CLYBL: variants seen among roughly 807,000 people sequenced by gnomAD.
CLYBL encodes citramalyl-CoA lyase, mitochondrial.
CLYBL carries 31 observed loss-of-function variants against 38.9 expected under a neutral mutation model. That is an observed-to-expected ratio of 0.80 (90% CI 0.60 to 1.08). The LOEUF is 1.08. Among genes scored for constraint, CLYBL ranks in the 50% least tolerant of loss-of-function variants. The pLI, the probability that CLYBL is intolerant of heterozygous loss-of-function variation, is 0.00. For synonymous variants in CLYBL, 171 were observed against 158.6 expected (o/e 1.08, Z -0.59); for missense variants, 434 against 411.6 (o/e 1.05, Z -0.47).
intron 1 of CLYBL, among the ~76,000 whole-genome samples, chr13:99,699,565 C>T (rs1234301079): frequency 1.3e-4 from 20 of 151,550 alleles, no homozygotes; most frequent in South Asian, 4.2e-4. Context: ...TGGTGGCACG[C>T]GCCTGTAATC....
intron 2 of CLYBL, among the ~76,000 whole-genome samples, chr13:99,778,557 C>T (rs1401917265): frequency 6.6e-6 from 1 of 152,042 alleles, no homozygotes; most frequent in Non-Finnish European, 1.5e-5. Flanking sequence ...TAATACCTTC[C>T]AGCAGGCTCT....
At chr13:99,737,478 A>C (rs2793749) in intron 1 of CLYBL, among the ~76,000 whole-genome samples, 1 of 152,140 alleles carries the variant, frequency 6.6e-6, no homozygotes, top group Admixed American at 6.5e-5. Flanking sequence ...GGTGTCACCA[A>C]CTCCAGGTGT....
chr13:99,726,923 C>G (rs1168079815), intron 1 of CLYBL, among the ~76,000 whole-genome samples: 1 of 152,186 alleles, frequency 6.6e-6, no homozygotes, highest in East Asian at 1.9e-4. Flanking sequence ...CTTTGGGAGG[C>G]TGAGGCGGGC....
rs34513643 is a variant in CLYBL at position 99,637,962 on chromosome 13, C to CTTTT, written c.62+31221_62+31224dup. Reference sequence around the variant, plus strand: ...ATCTAGTTATCCAAGTCAACAGTGCCTTTTTTTTTTTTTTTTTTTGAGACA... The same window carrying CTTTT: ...ATCTAGTTATCCAAGTCAACAGTGCCTTTTTTTTTTTTTTTTTTTTTTTGAGACA... On this transcript the variant is annotated intron_variant, in intron 1 of 8. Transcript: ENST00000339105. 7.6e-4 allele frequency among the ~76,000 whole-genome samples: 72 copies of CTTTT among 94,992 alleles called. 4 individuals carry two copies. Among genetic ancestry groups the CTTTT allele is most frequent in the African/African-American group, 2.5e-3 (63 of 25,568 alleles). The allele number at this position is 94,992 out of a possible 152,430, so 62.3% of individuals were successfully genotyped here.
At chr13:99,642,223 T>G (rs919405422) in intron 1 of CLYBL, among the ~76,000 whole-genome samples, 5 of 152,304 alleles carry the variant, frequency 3.3e-5, no homozygotes, top group South Asian at 2.1e-4. Context: ...CTGTGCATGC[T>G]GACTCTTCAG....
intron 1 of CLYBL, among the ~76,000 whole-genome samples, chr13:99,768,494 CTTTTTTT>C (rs779750350): frequency 1.2e-4 from 10 of 84,892 alleles, no homozygotes; most frequent in African/African-American, 3.0e-4. Context: ...CGCCCGACCT[CTTTTTTT>C]TTTTTTTTTT....
At chr13:99,783,553 T>C (rs565440760) in intron 2 of CLYBL, among the ~76,000 whole-genome samples, 1 of 151,834 alleles carries the variant, frequency 6.6e-6, no homozygotes, top group East Asian at 1.9e-4. Context: ...GCCTCCTGGG[T>C]TCATGCCATT....
intron 1 of CLYBL, among the ~76,000 whole-genome samples, chr13:99,709,025 G>A (rs1005567335): frequency 1.3e-5 from 2 of 152,042 alleles, no homozygotes; most frequent in Non-Finnish European, 2.9e-5. Context: ...CCAGGGGGGC[G>A]GAGGTTCCAG....
intron 1 of CLYBL, among the ~76,000 whole-genome samples, chr13:99,653,925 A>G (rs753426770): frequency 6.6e-6 from 1 of 152,182 alleles, no homozygotes; most frequent in African/African-American, 2.4e-5. Context: ...TTCAAATACA[A>G]TGACTTTATC....
chr13:99,798,116 C>T (rs2050059355), intron 2 of CLYBL, among the ~76,000 whole-genome samples: 1 of 152,206 alleles, frequency 6.6e-6, no homozygotes, highest in African/African-American at 2.4e-5. Flanking sequence ...CTGTTCCCAT[C>T]TGGCTTACCA....
At chr13:99,695,309 A>G (rs1311707845) in intron 1 of CLYBL, among the ~76,000 whole-genome samples, 1 of 152,112 alleles carries the variant, frequency 6.6e-6, no homozygotes, top group Non-Finnish European at 1.5e-5. Flanking sequence ...AACAAAAGAC[A>G]GGTTAACAAG....
rs113128124 is a variant in CLYBL at position 99,844,821 on chromosome 13, C to T, written c.250-14040C>T. Among the ~76,000 whole-genome samples the T allele has an allele frequency of 4.4e-3, 663 of 152,272 alleles. 10 individuals carry two copies. Among genetic ancestry groups the T allele is most frequent in the African/African-American group, 0.015 (625 of 41,562 alleles). ...CCATAGCCTGAGAGCTGACACCTAG[C>T]GCGTGGGCATTCAAAGTCACTGTCA... On this transcript the variant is annotated intron_variant, in intron 2 of 8. Coordinates refer to ENST00000339105, the MANE Select transcript of CLYBL (RefSeq NM_206808.5).
chr13:99,714,475 G>T (rs1226283295), intron 1 of CLYBL, among the ~76,000 whole-genome samples: 3 of 149,900 alleles, frequency 2.0e-5, no homozygotes, highest in African/African-American at 7.4e-5. Flanking sequence ...AAATTAGCTT[G>T]GTGTGGTGGC....
At chr13:99,855,668 A>G (rs1417421327) in intron 2 of CLYBL, among the ~76,000 whole-genome samples, 1 of 151,824 alleles carries the variant, frequency 6.6e-6, no homozygotes, top group Non-Finnish European at 1.5e-5. Context: ...GACTCTCTCG[A>G]ACTGAACACC....
At chr13:99,665,353 A>C (rs2047465273) in intron 1 of CLYBL, among the ~76,000 whole-genome samples, 1 of 151,944 alleles carries the variant, frequency 6.6e-6, no homozygotes, top group African/African-American at 2.4e-5. Flanking sequence ...AAAATTTCTT[A>C]ATAATTAAAA....
intron 2 of CLYBL, among the ~76,000 whole-genome samples, chr13:99,801,891 C>G (rs1247879768): frequency 2.0e-5 from 3 of 152,134 alleles, no homozygotes; most frequent in African/African-American, 7.2e-5. Flanking sequence ...TGGCGCATGC[C>G]TGTAATCCCA....
chr13:99,854,624 G>A (rs905663130), intron 2 of CLYBL, among the ~76,000 whole-genome samples: 1 of 152,122 alleles, frequency 6.6e-6, no homozygotes, highest in African/African-American at 2.4e-5. Flanking sequence ...GACGGATGTT[G>A]TTTTCTTTGC....
At chr13:99,704,934 A>G (rs1180624596) in intron 1 of CLYBL, among the ~76,000 whole-genome samples, 4 of 152,324 alleles carry the variant, frequency 2.6e-5, no homozygotes, top group Middle Eastern at 3.4e-3. Context: ...ATCTAGGGCA[A>G]TTTGAAATCT....
chr13:99,897,277 T>A (rs1194783608), downstream of CLYBL: 1 of 152,226 alleles, frequency 6.6e-6, no homozygotes, highest in Non-Finnish European at 1.5e-5. Context: ...GCCTTCTGTT[T>A]GTACACAGCC....
Sources: allele counts gnomAD v4.1 joint callset (sites outside exome capture counted in the v4.1 genomes callset), GRCh38; gene constraint gnomAD v4.1.1; transcripts MANE v1.5; gene names NCBI Gene and HGNC (gene_info 2026-07-23, HGNC 2026-07-21).